The following FRMPD3 variants were observed in gnomAD, a reference collection of about 807,000 sequenced individuals.
The protein encoded by FRMPD3 is FERM and PDZ domain-containing protein 3.
A neutral mutation model predicts 97.9 loss-of-function variants in FRMPD3; 42 were observed. The observed-to-expected ratio is 0.43, with a 90% CI of 0.34 to 0.55. The LOEUF (loss-of-function observed/expected upper bound fraction) is 0.55, where lower values mean the gene tolerates loss of function less well. FRMPD3 is among the 20% of genes least tolerant of loss of function. The pLI is 0.03. For missense variants in FRMPD3, 1,303 were observed against 1,457.7 expected (o/e 0.89, Z 1.73); for synonymous variants, 577 against 581.1 (o/e 0.99, Z 0.10).
At chrX:107,593,844 G>C (rs1316155942) in intron 13 of FRMPD3, among the ~76,000 whole-genome samples, 1 of 111,673 alleles carries the variant, frequency 9.0e-6, no homozygotes, top group Admixed American at 9.5e-5. Context: ...GCTTAGGATT[G>C]CTTTTGCTAT....
chrX:107,472,536 A>G (rs1370763027), intron 1 of FRMPD3, among the ~76,000 whole-genome samples: 1 of 111,152 alleles, frequency 9.0e-6, no homozygotes, highest in Admixed American at 9.5e-5. Context: ...AAAAAAAAAG[A>G]AAACCATAAT....
Position 107,559,760 on chromosome X carries a change from CAAG to C in FRMPD3, c.763-488_763-486del, listed in dbSNP as rs920455752. On this transcript the variant is annotated intron_variant, in intron 8 of 14. Coordinates refer to ENST00000683843, the MANE Select transcript of FRMPD3 (RefSeq NM_001388459.1). Reference sequence around the variant, plus strand: ...ATCAACATTTTTGTCCTTCAGACACCAAGAAGAAGAATGCCTCCCCCATCCCTG... The same window carrying C: ...ATCAACATTTTTGTCCTTCAGACACCAAGAAGAATGCCTCCCCCATCCCTG... Among the ~76,000 whole-genome samples, 8 of 110,763 alleles carry C rather than the reference CAAG, an allele frequency of 7.2e-5. 1 individual carries two copies. The Admixed American group carries it at 7.7e-4, about 11-fold the overall frequency.
intron 1 of FRMPD3, among the ~76,000 whole-genome samples, 151 bp downstream of exon 1, chrX:107,450,156 A>G (rs1318835659): frequency 9.0e-6 from 1 of 110,621 alleles, no homozygotes; most frequent in African/African-American, 3.3e-5. Context: ...GGGGCGCCGA[A>G]CGTCTGGCCG....
At chrX:107,484,696 G>A (rs1921459334) in intron 1 of FRMPD3, among the ~76,000 whole-genome samples, 1 of 112,076 alleles carries the variant, frequency 8.9e-6, no homozygotes, top group Admixed American at 9.4e-5. Flanking sequence ...TTAGAGCCAG[G>A]GCAGAAGGCT....
chrX:107,471,357 C>T (rs1190837650), intron 1 of FRMPD3, among the ~76,000 whole-genome samples: 2 of 59,226 alleles, frequency 3.4e-5, no homozygotes, highest in East Asian at 6.6e-4. Flanking sequence ...AAAAAAAAAA[C>T]GGGATACATG....
intron 1 of FRMPD3, among the ~76,000 whole-genome samples, chrX:107,486,525 A>G (rs1210317138): frequency 1.8e-5 from 2 of 112,535 alleles, no homozygotes; most frequent in African/African-American, 6.5e-5. Flanking sequence ...AGCTTTGTAT[A>G]TGGGATAAAG....
chrX:107,517,606 C>CA (rs1922376781), intron 1 of FRMPD3, among the ~76,000 whole-genome samples: 1 of 109,156 alleles, frequency 9.2e-6, no homozygotes, highest in Non-Finnish European at 1.9e-5. Context: ...CTAAAAAGTA[C>CA]AAAAAATGGC....
chrX:107,553,075 A>T (rs1350361980), intron 7 of FRMPD3, 149 bp downstream of exon 7: 9 of 599,403 alleles, frequency 1.5e-5, no homozygotes, highest in Non-Finnish European at 2.2e-5. Flanking sequence ...ATCCACCTCC[A>T]GAGGGCTTTT....
chrX:107,488,106 G>A (rs765574967), intron 1 of FRMPD3, among the ~76,000 whole-genome samples: 2 of 111,383 alleles, frequency 1.8e-5, no homozygotes, highest in East Asian at 2.8e-4. Flanking sequence ...ACCACACAGC[G>A]TTAAGCTCTT....
In FRMPD3 at chrX:107,597,857, A is replaced by G. The variant is rs912943518; in HGVS notation, c.1978A>G (p.Thr660Ala). Residue 660 changes from threonine (T) to alanine (A), a missense_variant, in exon 14 of 15, where the codon ACT (threonine) becomes GCT (alanine). Physicochemically the swap from Thr to Ala is moderately conservative, Grantham distance 58 (BLOSUM62 0). Coordinates refer to ENST00000683843, the MANE Select transcript of FRMPD3 (RefSeq NM_001388459.1). ...GGAGGAGGAGGAGGAAGATGAGACA[A>G]CTTCTCTGTTGCCAGCCATTGCTGC... ...EEEEEEEDET[T>A]SLLPAIAAPP... The G allele has an allele frequency of 1.0e-5, 12 of 1,197,445 alleles. No homozygotes were observed. The African/African-American group carries it at 1.8e-4, about 18-fold the overall frequency.
intron 12 of FRMPD3, among the ~76,000 whole-genome samples, chrX:107,572,369 G>A (rs779951733): frequency 8.9e-6 from 1 of 112,092 alleles, no homozygotes; most frequent in African/African-American, 3.2e-5. Flanking sequence ...TGGAGATGGA[G>A]GTTGGGTCCA....
chrX:107,538,540 TAA>T (rs55749241), intron 4 of FRMPD3, among the ~76,000 whole-genome samples: 6,157 of 63,736 alleles, frequency 0.097, 769 homozygotes, highest in African/African-American at 0.31. Flanking sequence ...CTATATTTGT[TAA>T]AAAAAAAAAA....
At chrX:107,535,126 A>G (rs970858612) in intron 4 of FRMPD3, among the ~76,000 whole-genome samples, 18 of 112,250 alleles carry the variant, frequency 1.6e-4, no homozygotes, top group African/African-American at 5.2e-4. Flanking sequence ...CAGAGACCCA[A>G]TGTGGGTTTA....
rs775724416 is a variant in FRMPD3 at position 107,603,019 on chromosome X, G to C, written c.4980G>C (p.Thr1660=). 6.6e-6 allele frequency: 8 copies of C among 1,211,142 alleles called. No individual in the cohort carries two copies. The South Asian group carries it at 1.1e-4, about 16-fold the overall frequency. Residue 1660 remains threonine, a synonymous_variant, in exon 15 of 15, where the codon ACG becomes ACC. Coordinates refer to ENST00000683843, the MANE Select transcript of FRMPD3 (RefSeq NM_001388459.1). The part of the protein sequence containing the change: ...KSPTHMLAAI[T]GSFQVLSSLI... ...CAACTCACATGCTGGCAGCCATCAC[G>C]GGCAGCTTCCAGGTGCTGAGCAGCC...
At chrX:107,521,383 C>G (rs984736106) in intron 1 of FRMPD3, among the ~76,000 whole-genome samples, 3 of 112,166 alleles carry the variant, frequency 2.7e-5, no homozygotes, top group Non-Finnish European at 5.6e-5. Context: ...GGGCACGACC[C>G]TGGAATTGTC....
At chrX:107,461,409 C>G (rs749523657) in intron 1 of FRMPD3, among the ~76,000 whole-genome samples, 2 of 110,855 alleles carry the variant, frequency 1.8e-5, no homozygotes, top group African/African-American at 6.6e-5. Flanking sequence ...CACTCCCTCC[C>G]CACTCCAGTC....
At chrX:107,599,302 G>T (rs748924948) in intron 14 of FRMPD3, among the ~76,000 whole-genome samples, 40 of 111,202 alleles carry the variant, frequency 3.6e-4, no homozygotes, top group African/African-American at 1.1e-3. Context: ...AAGAGAAGAG[G>T]TAAATGACAC....
chrX:107,465,829 A>G (rs112026549), intron 1 of FRMPD3, among the ~76,000 whole-genome samples: 2,959 of 110,742 alleles, frequency 0.027, 99 homozygotes, highest in African/African-American at 0.092. Context: ...TCTGAGAGGG[A>G]AAATACATCA....
chrX:107,579,487 A>G (rs1309108240), intron 13 of FRMPD3, among the ~76,000 whole-genome samples: 3 of 112,577 alleles, frequency 2.7e-5, no homozygotes, highest in African/African-American at 9.7e-5. Flanking sequence ...AATAACAGAC[A>G]TAGTCCTTAT....
Sources: allele counts gnomAD v4.1 joint callset (sites outside exome capture counted in the v4.1 genomes callset), GRCh38; gene constraint gnomAD v4.1.1; transcripts MANE v1.5; gene names NCBI Gene and HGNC (gene_info 2026-07-23, HGNC 2026-07-21).